MGA: variants seen among roughly 807,000 people sequenced by gnomAD.
The protein encoded by MGA is MAX dimerization protein MGA.
Under a neutral mutation model 261.1 loss-of-function variants are expected in MGA, and 40 were observed. That is an observed-to-expected ratio of 0.15 (90% CI 0.12 to 0.20). The LOEUF (loss-of-function observed/expected upper bound fraction) is 0.20. Ranked by LOEUF, MGA falls within the 10% of genes least tolerant of loss-of-function variation. The probability of loss-of-function intolerance (pLI) is 1.00; values close to 1 mark genes in which losing one functional copy is unlikely to be tolerated. For synonymous variants in MGA, 1,302 were observed against 1,290.6 expected, an observed-to-expected ratio of 1.01 and a Z score of -0.19; for missense variants, 3,397 against 3,630.5, an observed-to-expected ratio of 0.94 and a Z score of 1.65.
intron 2 of MGA, among the ~76,000 whole-genome samples, chr15:41,671,575 C>T (rs1370050639): frequency 5.3e-5 from 8 of 151,968 alleles, no homozygotes; most frequent in South Asian, 2.1e-4. Flanking sequence ...GTGATCCACC[C>T]GCCTCCGCCT....
Position 41,748,690 on chromosome 15 carries a change from A to C in MGA, c.5266A>C (p.Lys1756Gln), listed in dbSNP as rs774206106. The change falls in exon 16 of 24, where the codon AAA (lysine) becomes CAA (glutamine). Residue 1756 changes from lysine (K) to glutamine (Q), a missense_variant. Transcript: ENST00000219905. ...TCCACAGGTCTCTCCTAACACAGTGAAACGTGCTGGACCTCGATTGTTGTT... is the reference window on the plus strand; with the variant it reads ...TCCACAGGTCTCTCCTAACACAGTGCAACGTGCTGGACCTCGATTGTTGTT... The C allele has an allele frequency of 6.2e-7, 1 of 1,614,020 alleles. No homozygotes were observed. Among genetic ancestry groups the C allele is most frequent in the Admixed American group, 1.7e-5 (1 of 60,020 alleles).
chr15:41,657,502 C>T (rs922492827), upstream of MGA, among the ~76,000 whole-genome samples: 19 of 151,998 alleles, frequency 1.3e-4, no homozygotes, highest in Admixed American at 3.9e-4. Context: ...TATGGGCGCA[C>T]GCCACCATGC....
intron 11 of MGA, among the ~76,000 whole-genome samples, chr15:41,732,098 G>C (rs1470394610): frequency 1.3e-5 from 2 of 150,838 alleles, no homozygotes; most frequent in African/African-American, 4.9e-5. Flanking sequence ...CCCCAAAGGT[G>C]TCTTTATTTA....
chr15:41,682,425 C>G (rs2058733200), intron 2 of MGA, among the ~76,000 whole-genome samples: 1 of 152,114 alleles, frequency 6.6e-6, no homozygotes, highest in Non-Finnish European at 1.5e-5. Context: ...TGGGATTTTC[C>G]TTTGCTATCA....
intron 3 of MGA, 91 bp from the exon 4 acceptor site, chr15:41,698,772 T>C: frequency 1.0e-6 from 1 of 964,028 alleles, no homozygotes; most frequent in South Asian, 1.7e-5. Flanking sequence ...GATATTTTCC[T>C]TCTGGTCTTT....
In MGA at chr15:41,669,009, G is replaced by A. The variant is rs753974918; in HGVS notation, c.115G>A (p.Gly39Arg). The A allele has an allele frequency of 1.2e-6, 2 of 1,613,686 alleles. No individual in the cohort carries two copies. The highest frequency in any genetic ancestry group is 1.7e-6 in the Non-Finnish European group (2 of 1,179,638). The change falls in exon 2 of 24, where the codon GGA becomes AGA. Residue 39 changes from glycine (G) to arginine (R), a missense_variant. This residue lies in a region of MGA where 81 missense variants were observed against 84.3 expected (regional missense o/e 0.96). Coordinates refer to ENST00000219905, the MANE Select transcript of MGA (RefSeq NM_001164273.2). ...GCCAGGAAATGGCAAAACTGATCAA[G>A]GAATTTTGGTTACTAATCAGGATGC...
chr15:41,625,437 G>GTTT (rs11304349), intron 1 of MGA, among the ~76,000 whole-genome samples: 1 of 143,202 alleles, frequency 7.0e-6, no homozygotes, highest in Admixed American at 7.0e-5. Context: ...GAGGCCGGGA[G>GTTT]TTTTTTTTTT....
At chr15:41,655,574 T>C (rs1487672288), upstream of MGA, among the ~76,000 whole-genome samples, 1 of 151,662 alleles carries the variant, frequency 6.6e-6, no homozygotes, top group Non-Finnish European at 1.5e-5. Flanking sequence ...TTGTCATTTA[T>C]TTGTTTTATT....
intron 1 of MGA, among the ~76,000 whole-genome samples, chr15:41,664,042 T>G (rs1030258854): frequency 6.6e-6 from 1 of 152,244 alleles, no homozygotes; most frequent in South Asian, 2.1e-4. Flanking sequence ...GTAGCTGTTA[T>G]GGCTCAAGAT....
intron 2 of MGA, among the ~76,000 whole-genome samples, chr15:41,680,324 A>T (rs796681187): frequency 6.6e-6 from 1 of 152,214 alleles, no homozygotes; most frequent in African/African-American, 2.4e-5. Flanking sequence ...TTACTAATCT[A>T]CTTAACTTTT....
intron 1 of MGA, among the ~76,000 whole-genome samples, chr15:41,635,881 T>A (rs2056693308): frequency 6.6e-6 from 1 of 152,202 alleles, no homozygotes; most frequent in African/African-American, 2.4e-5. Context: ...CATTTACTCT[T>A]GTTTATAGTG....
chr15:41,742,923 A>G lies in MGA; in HGVS notation c.4963A>G (p.Thr1655Ala). 6.2e-7 allele frequency: 1 copy of G among 1,613,978 alleles called. No homozygotes were observed. The highest frequency in any genetic ancestry group is 8.5e-7 in the Non-Finnish European group (1 of 1,179,878). Reference sequence around the variant, plus strand: ...CACCTCTGTAACATCTACCCAGTCTACAGCCACTGTGAACCTTACCAAAAC... The same window carrying G: ...CACCTCTGTAACATCTACCCAGTCTGCAGCCACTGTGAACCTTACCAAAAC... Residue 1655 changes from threonine (T) to alanine (A), a missense_variant, in exon 15 of 24, where the codon ACA (threonine) becomes GCA (alanine). By Grantham distance (58) the Thr-to-Ala change is moderately conservative (BLOSUM62 0). This residue lies in a region of MGA where 1,410 missense variants were observed against 1,386.4 expected (regional missense o/e 1.02). Coordinates refer to ENST00000219905, the MANE Select transcript of MGA (RefSeq NM_001164273.2).
chr15:41,674,988 G>A (rs2058300613), intron 2 of MGA, among the ~76,000 whole-genome samples: 3 of 151,976 alleles, frequency 2.0e-5, no homozygotes, highest in African/African-American at 4.8e-5. Flanking sequence ...CATTCAAATC[G>A]GAAACCTCTG....
At chr15:41,690,895 AAT>A (rs1441453478) in intron 2 of MGA, among the ~76,000 whole-genome samples, 3 of 152,176 alleles carry the variant, frequency 2.0e-5, no homozygotes, top group East Asian at 3.9e-4. Context: ...AAACCAAACT[AAT>A]AGACACACTG....
intron 13 of MGA, among the ~76,000 whole-genome samples, chr15:41,738,248 A>G (rs1340373635): frequency 6.6e-6 from 1 of 151,306 alleles, no homozygotes; most frequent in Non-Finnish European, 1.5e-5. Context: ...AAAATACAAA[A>G]ATTAGCCGGG....
intron 1 of MGA, among the ~76,000 whole-genome samples, chr15:41,637,977 C>T (rs932928594): frequency 4.7e-5 from 7 of 148,590 alleles, no homozygotes; most frequent in Non-Finnish European, 8.9e-5. Context: ...GGTGGTCCAC[C>T]GCCTCGGCCT....
intron 8 of MGA, among the ~76,000 whole-genome samples, chr15:41,712,459 C>G (rs2060436118): frequency 6.6e-6 from 1 of 152,144 alleles, no homozygotes; most frequent in Non-Finnish European, 1.5e-5. Flanking sequence ...CTCAAGCTAT[C>G]TGCCTGCCTC....
At chr15:41,699,303 C>A in intron 5 of MGA, 144 bp downstream of exon 5, 1 of 597,588 alleles carries the variant, frequency 1.7e-6, no homozygotes, top group Non-Finnish European at 2.8e-6. Flanking sequence ...TCTTTCAGCA[C>A]GTCTTTCAGT....
chr15:41,742,794 G>A lies in MGA; in HGVS notation c.4834G>A (p.Val1612Met), dbSNP rs2062192149. The change falls in exon 15 of 24, where the codon GTG becomes ATG. Residue 1612 changes from valine to methionine, a missense_variant. By Grantham distance (21) the Val-to-Met change is conservative. Transcript: ENST00000219905. Reference sequence around the variant, plus strand: ...AGTGTTTTTAGAAAATACTACTGCTGTGACACCTATGACTGCTATTTCTGA... The same window carrying A: ...AGTGTTTTTAGAAAATACTACTGCTATGACACCTATGACTGCTATTTCTGA... 6.2e-7 allele frequency: 1 copy of A among 1,613,938 alleles called. No homozygotes were observed. Among genetic ancestry groups the A allele is most frequent in the South Asian group, 1.1e-5 (1 of 91,084 alleles).
Sources: allele counts gnomAD v4.1 joint callset (sites outside exome capture counted in the v4.1 genomes callset), GRCh38; gene constraint gnomAD v4.1.1; regional missense constraint gnomAD v4.1.1; transcripts MANE v1.5; gene names NCBI Gene and HGNC (gene_info 2026-07-23, HGNC 2026-07-21).